CIRBP: variants seen among roughly 807,000 people sequenced by gnomAD.
CIRBP encodes the protein cold-inducible RNA-binding protein.
Under a neutral mutation model 22.3 loss-of-function variants are expected in CIRBP, and 11 were observed. That is an observed-to-expected ratio of 0.49 (90% confidence interval 0.31 to 0.82). The LOEUF (loss-of-function observed/expected upper bound fraction) is 0.82. CIRBP is among the 40% of genes least tolerant of loss of function. The pLI, the probability that CIRBP is intolerant of heterozygous loss-of-function variation, is 0.05. For synonymous variants in CIRBP, 216 were observed against 158.8 expected (o/e 1.36, Z -2.71); for missense variants, 456 against 402.7 (o/e 1.13, Z -1.13).
rs1803282 is a variant in CIRBP, at chr19:1,273,080, C to A, written c.*637C>A. Reference sequence around the variant, plus strand: ...TTTTTTACTGGAAGACGTACGCATACTCCATCGATGTTGTATTTGCAGTGG... The same window carrying A: ...TTTTTTACTGGAAGACGTACGCATAATCCATCGATGTTGTATTTGCAGTGG... On this transcript the variant is annotated 3_prime_UTR_variant, in exon 6 of 6. Coordinates refer to ENST00000587896, the MANE Select transcript of CIRBP (RefSeq NM_001300829.2). The A allele has an allele frequency of 6.6e-6, 1 of 152,296 alleles. No individual in the cohort carries two copies. The highest frequency in any genetic ancestry group is 2.4e-5 in the African/African-American group (1 of 41,452). 9.4% of individuals were successfully genotyped at this position (152,296 alleles called of 1,614,324 possible).
Position 1,274,742 on chromosome 19 carries a change from C to T in CIRBP, c.*2299C>T, listed in dbSNP as rs1302262878. 2.5e-5 allele frequency: 4 copies of T among 161,282 alleles called. No individual in the cohort carries two copies. In the South Asian group the frequency reaches 8.1e-4, roughly 33 times the overall value. The allele number at this position is 161,282 out of a possible 1,614,324, so 10.0% of individuals were successfully genotyped here. A position where few individuals can be genotyped will look rare whatever the true frequency, so the allele number is the denominator to read the frequency against. ...CCGGCAGCTTACGGGGCGGCCAGTC[C>T]TTGCCCACAACGATGTGGAGCCCTG... is the stretch of plus-strand genomic sequence containing the variant. On this transcript the variant is annotated 3_prime_UTR_variant, in exon 6 of 6. Coordinates refer to ENST00000587896, the MANE Select transcript of CIRBP (RefSeq NM_001300829.2).
chr19:1,272,269 G>A lies in CIRBP; in HGVS notation c.720G>A (p.Gly240=), dbSNP rs1167155001. 1.2e-6 allele frequency: 2 copies of A among 1,611,906 alleles called. No homozygotes were observed. The highest frequency in any genetic ancestry group is 2.2e-5 in the South Asian group (2 of 91,052). Residue 240 remains glycine, a synonymous_variant, in exon 6 of 6, where the codon GGG becomes GGA. Transcript: ENST00000587896. The part of the protein sequence containing the change: ...QKGKGERGPA[G]QSARCMCGRR... ...GCAAGGGAGAGCGAGGGCCCGCTGGGCAGTCAGCTAGGTGCATGTGTGGCC... is the reference window on the plus strand; with the variant it reads ...GCAAGGGAGAGCGAGGGCCCGCTGGACAGTCAGCTAGGTGCATGTGTGGCC...
chr19:1,269,795 A>G (rs1205276815), intron 1 of CIRBP: 1 of 506,906 alleles, frequency 2.0e-6, no homozygotes, highest in East Asian at 5.5e-5. Flanking sequence ...TTGGGGCTGG[A>G]GGTATCCACA....
intron 1 of CIRBP, chr19:1,269,811 A>G: frequency 3.9e-6 from 2 of 516,492 alleles, no homozygotes; most frequent in South Asian, 2.8e-5. Flanking sequence ...CCACACACCA[A>G]CGCTTTTGCT....
intron 5 of CIRBP, 170 bp from the exon 6 acceptor site, chr19:1,271,811 G>A (rs778791418): frequency 3.0e-4 from 218 of 721,496 alleles, no homozygotes; most frequent in Admixed American, 4.6e-4. Flanking sequence ...GGGAGGGCCT[G>A]GGGGACAGGC....
Position 1,271,006 on chromosome 19 carries a change from G to A in CIRBP, c.73G>A (p.Val25Ile). 2 of 1,614,046 alleles carry A rather than the reference G, an allele frequency of 1.2e-6. No homozygotes were observed. The highest frequency in any genetic ancestry group is 1.7e-6 in the Non-Finnish European group (2 of 1,180,002). The change falls in exon 2 of 6, where the codon GTC becomes ATC. Residue 25 changes from valine to isoleucine, a missense_variant. Transcript: ENST00000587896. ...FDTNEQSLEQ[V>I]FSKYGQISEV... The stretch of plus-strand genomic sequence containing the variant: ...CACCAATGAGCAGTCGCTGGAGCAG[G>A]TCTTCTCAAAGTACGGACAGATCTC...
At chr19:1,269,634 TGGC>T (rs1161506541) in intron 1 of CIRBP, among the ~76,000 whole-genome samples, 5 of 151,104 alleles carry the variant, frequency 3.3e-5, no homozygotes, top group Non-Finnish European at 7.4e-5. Flanking sequence ...CGCCGCAAAA[TGGC>T]GGCCGCGAGC....
chr19:1,270,285 T>G (rs2081317034), intron 1 of CIRBP: 1 of 365,076 alleles, frequency 2.7e-6, no homozygotes. Flanking sequence ...CACGTTCTGG[T>G]CCAGCAACAA....
In CIRBP at chr19:1,272,022, G is replaced by A. The variant is rs1467183306; in HGVS notation, c.473G>A (p.Gly158Glu). 3.1e-6 allele frequency: 5 copies of A among 1,613,348 alleles called. No homozygotes were observed. The highest frequency in any genetic ancestry group is 1.1e-5 in the South Asian group (1 of 91,076). Residue 158 changes from glycine (G) to glutamate (E), a missense_variant, in exon 6 of 6, where the codon GGG becomes GAG. Transcript: ENST00000587896. ...GGCTACAGTGACCGGAGCTCGGGCG[G>A]GTCCTACAGAGACAGTTATGACAGT... is the stretch of plus-strand genomic sequence containing the variant. ...SGGYSDRSSG[G>E]SYRDSYDSYG...
intron 1 of CIRBP, chr19:1,270,725 C>T (rs1257125725): frequency 1.8e-6 from 1 of 562,138 alleles, no homozygotes; most frequent in Non-Finnish European, 3.2e-6. Flanking sequence ...GTGACCCCTG[C>T]ACTCCAGTCT....
chr19:1,270,930 C>G lies in CIRBP; in HGVS notation c.-4C>G, dbSNP rs1012232221. On this transcript the variant is annotated splice_region_variant and 5_prime_UTR_variant, in exon 2 of 6. Coordinates refer to ENST00000587896, the MANE Select transcript of CIRBP (RefSeq NM_001300829.2). ...GATTTCATTGGTGTCTGCCACAGGC[C>G]GCCATGGCATCAGATGAAGGCAAAC... 9 of 1,611,174 alleles carry G rather than the reference C, an allele frequency of 5.6e-6. No individual in the cohort carries two copies. Among genetic ancestry groups the G allele is most frequent in the Non-Finnish European group, 6.8e-6 (8 of 1,177,408 alleles).
At position 1,274,014 on chromosome 19, in the gene CIRBP, C is replaced by G. The variant is rs1203036275; in HGVS notation, c.*1571C>G. 1 of 289,860 alleles carries G rather than the reference C, an allele frequency of 3.4e-6. No homozygotes were observed. Among genetic ancestry groups the G allele is most frequent in the Admixed American group, 5.2e-5 (1 of 19,108 alleles). 18.0% of individuals were successfully genotyped at this position (289,860 alleles called of 1,614,324 possible). Reference sequence around the variant, plus strand: ...TGCTCAATTGACCGTCTTTTCCAGACCTCTTTAAGTCACACTCTTAACTTA... The same window carrying G: ...TGCTCAATTGACCGTCTTTTCCAGAGCTCTTTAAGTCACACTCTTAACTTA... On this transcript the variant is annotated 3_prime_UTR_variant, in exon 6 of 6. Transcript: ENST00000587896.
rs184332309 is a variant in CIRBP, at chr19:1,273,519, T to G, written c.*1076T>G. On this transcript the variant is annotated 3_prime_UTR_variant, in exon 6 of 6. Transcript: ENST00000587896. ...AAGCAGGCCAGAGAGCAGAGGCACG[T>G]GGCATCCCAGGGCGACCTCAGACGG... The G allele has an allele frequency of 6.6e-6, 1 of 152,402 alleles. No homozygotes were observed. Among genetic ancestry groups the G allele is most frequent in the Non-Finnish European group, 1.5e-5 (1 of 68,080 alleles). The allele number at this position is 152,402 out of a possible 1,614,324, so 9.4% of individuals were successfully genotyped here. A position where few individuals can be genotyped will look rare whatever the true frequency, so the allele number is the denominator to read the frequency against.
At position 1,272,280 on chromosome 19, in the gene CIRBP, G is replaced by A; in HGVS notation, c.731G>A (p.Arg244Lys). The A allele has an allele frequency of 6.2e-7, 1 of 1,612,860 alleles. No individual in the cohort carries two copies. Among genetic ancestry groups the A allele is most frequent in the Non-Finnish European group, 8.5e-7 (1 of 1,179,706 alleles). The change falls in exon 6 of 6, where the codon AGG (arginine) becomes AAG (lysine). Residue 244 changes from arginine (R) to lysine (K), a missense_variant. Arg to Lys is a conservative substitution (Grantham distance 26, BLOSUM62 2). This residue lies in a region of CIRBP where 426 missense variants were observed against 339.6 expected (regional missense o/e 1.25). Coordinates refer to ENST00000587896, the MANE Select transcript of CIRBP (RefSeq NM_001300829.2). ...GERGPAGQSA[R>K]CMCGRRPASL... The stretch of plus-strand genomic sequence containing the variant: ...CGAGGGCCCGCTGGGCAGTCAGCTA[G>A]GTGCATGTGTGGCCGCAGGCCAGCC...
chr19:1,270,371 G>T, intron 1 of CIRBP: 1 of 344,770 alleles, frequency 2.9e-6, no homozygotes, highest in Non-Finnish European at 5.8e-6. Context: ...GTCCTGCCCA[G>T]GGCACAACTG....
At position 1,274,622 on chromosome 19, in the gene CIRBP, T is replaced by G; in HGVS notation, c.*2179T>G. 1 of 271,492 alleles carries G rather than the reference T, an allele frequency of 3.7e-6. No individual in the cohort carries two copies. 16.8% of individuals were successfully genotyped at this position (271,492 alleles called of 1,614,324 possible). ...GTCCCCCGCCTGGAGCCCGCGCCTGTTCTCCCTCCCTTCCTCCTCCTTCCA... is the reference window on the plus strand; with the variant it reads ...GTCCCCCGCCTGGAGCCCGCGCCTGGTCTCCCTCCCTTCCTCCTCCTTCCA... On this transcript the variant is annotated 3_prime_UTR_variant, in exon 6 of 6. Coordinates refer to ENST00000587896, the MANE Select transcript of CIRBP (RefSeq NM_001300829.2).
rs771540796 is a variant in CIRBP at position 1,270,912 on chromosome 19, T to C, written c.-6-16T>C. The C allele has an allele frequency of 3.2e-6, 5 of 1,586,454 alleles. No individual in the cohort carries two copies. The highest frequency in any genetic ancestry group is 1.7e-5 in the Admixed American group (1 of 59,984). ...GAGATGACCCCTGTTGAGGATTTCATTGGTGTCTGCCACAGGCCGCCATGG... is the reference window on the plus strand; with the variant it reads ...GAGATGACCCCTGTTGAGGATTTCACTGGTGTCTGCCACAGGCCGCCATGG... On this transcript the variant is annotated splice_polypyrimidine_tract_variant and intron_variant, in intron 1 of 5. Transcript: ENST00000587896.
rs372645077 is a variant in CIRBP at position 1,271,123 on chromosome 19, C to T, written c.104-17C>T. ...GTACAGCTGGGTGCTGACTGCAGAC[C>T]TCTCTCCCCTGCACAGTGGTGGTTG... On this transcript the variant is annotated splice_polypyrimidine_tract_variant and intron_variant, in intron 2 of 5. Transcript: ENST00000587896. 302 of 1,611,446 alleles carry T rather than the reference C, an allele frequency of 1.9e-4. No homozygotes were observed. The highest frequency in any genetic ancestry group is 4.9e-4 in the Middle Eastern group (3 of 6,080).
At position 1,271,637 on chromosome 19, in the gene CIRBP, G is replaced by T. The variant is rs200103164; in HGVS notation, c.431+5G>T. 5.3e-6 allele frequency: 8 copies of T among 1,500,356 alleles called. No individual in the cohort carries two copies. Among genetic ancestry groups the T allele is most frequent in the Admixed American group, 2.2e-5 (1 of 46,264 alleles). 92.9% of individuals were successfully genotyped at this position (1,500,356 alleles called of 1,614,324 possible). On this transcript the variant is annotated splice_donor_5th_base_variant and intron_variant, in intron 5 of 5. Transcript: ENST00000587896. ...CTCCAGAGACTACTATAGCAGGTGA[G>T]GGGGAGGCCGGCCCAAGCACAGGGG... is the stretch of plus-strand genomic sequence containing the variant.
Sources: allele counts gnomAD v4.1 joint callset (sites outside exome capture counted in the v4.1 genomes callset), GRCh38; gene constraint gnomAD v4.1.1; regional missense constraint gnomAD v4.1.1; transcripts MANE v1.5; gene names NCBI Gene and HGNC (gene_info 2026-07-23, HGNC 2026-07-21).